EPHA4: variants seen among roughly 807,000 people sequenced by gnomAD.
EPHA4 encodes the protein EPH receptor A4, also known as ephrin type-A receptor 4.
A neutral mutation model predicts 108.3 loss-of-function variants in EPHA4; 19 were observed. The observed-to-expected ratio is 0.18, with a 90% CI of 0.12 to 0.26. The LOEUF (loss-of-function observed/expected upper bound fraction) is 0.26. Among genes scored for constraint, EPHA4 ranks in the 10% least tolerant of loss-of-function variants. EPHA4 has a pLI of 1.00. For missense variants in EPHA4, 917 were observed against 1,254.0 expected, an observed-to-expected ratio of 0.73 and a Z score of 4.06; for synonymous variants, 449 against 455.5, an observed-to-expected ratio of 0.99 and a Z score of 0.18.
At chr2:221,542,292 A>G (rs946201173) in intron 3 of EPHA4, among the ~76,000 whole-genome samples, 4 of 152,248 alleles carry the variant, frequency 2.6e-5, no homozygotes, top group South Asian at 2.1e-4. Flanking sequence ...TCCATGGTGT[A>G]TAAGTTACAG....
At chr2:221,453,832 T>C (rs1329525612) in intron 8 of EPHA4, among the ~76,000 whole-genome samples, 1 of 152,180 alleles carries the variant, frequency 6.6e-6, no homozygotes, top group Non-Finnish European at 1.5e-5. Context: ...TGAACATAAT[T>C]GGTCCCTGTA....
intron 4 of EPHA4, among the ~76,000 whole-genome samples, chr2:221,491,911 G>C (rs1692156633): frequency 1.3e-5 from 2 of 152,070 alleles, no homozygotes; most frequent in Non-Finnish European, 1.5e-5. Flanking sequence ...AGCACCCTGG[G>C]AGGCTGAGGT....
chr2:221,499,737 TATATATATATATATATATA>T (rs1263637813), intron 4 of EPHA4, among the ~76,000 whole-genome samples: 38 of 52,222 alleles, frequency 7.3e-4, no homozygotes, highest in African/African-American at 3.8e-3. Flanking sequence ...TATATATATA[TATATATATATATATATATA>T]TTTTTTTTTT....
intron 3 of EPHA4, among the ~76,000 whole-genome samples, chr2:221,557,789 A>G (rs1694347465): frequency 6.6e-6 from 1 of 152,244 alleles, no homozygotes; most frequent in African/African-American, 2.4e-5. Context: ...TCCATGAAAC[A>G]TAACTCCACC....
At chr2:221,460,516 C>T (rs1005410146) in intron 5 of EPHA4, among the ~76,000 whole-genome samples, 1 of 152,150 alleles carries the variant, frequency 6.6e-6, no homozygotes, top group Non-Finnish European at 1.5e-5. Flanking sequence ...CAATCCATGA[C>T]CAAGTGAGGT....
At position 221,564,278 on chromosome 2, in the gene EPHA4, T is replaced by A; in HGVS notation, c.276A>T (p.Glu92Asp). The change falls in exon 3 of 18, where the codon GAA becomes GAT. Residue 92 changes from glutamate to aspartate, a missense_variant. Around this residue, in one of 3 missense-constraint regions of EPHA4, gnomAD observed 758 missense variants for 1,076.7 expected, o/e 0.70. Coordinates refer to ENST00000281821, the MANE Select transcript of EPHA4 (RefSeq NM_004438.5). The part of the protein sequence containing the change: ...NWLRTDWITR[E>D]GAQRVYIEIK... ...TCTCAATATACACCCTCTGAGCCCC[T>A]TCTCGGGTGATCCAATCAGTTCGTA... The A allele has an allele frequency of 1.2e-6, 2 of 1,614,154 alleles. No homozygotes were observed. The highest frequency in any genetic ancestry group is 1.7e-6 in the Non-Finnish European group (2 of 1,180,024).
intron 3 of EPHA4, among the ~76,000 whole-genome samples, chr2:221,555,759 A>C (rs139094087): frequency 6.6e-6 from 1 of 152,328 alleles, no homozygotes; most frequent in African/African-American, 2.4e-5. Flanking sequence ...TCACGAGCAC[A>C]GTAAAACTAA....
chr2:221,528,483 T>A (rs1026558413), intron 3 of EPHA4, among the ~76,000 whole-genome samples: 1 of 152,226 alleles, frequency 6.6e-6, no homozygotes, highest in Non-Finnish European at 1.5e-5. Flanking sequence ...CTTAATCTTA[T>A]TCCCTTTGAA....
At chr2:221,491,458 G>T (rs1692141781) in intron 4 of EPHA4, among the ~76,000 whole-genome samples, 1 of 152,176 alleles carries the variant, frequency 6.6e-6, no homozygotes, top group Admixed American at 6.5e-5. Context: ...CATGCGCAAA[G>T]CTGTGATCAG....
intron 11 of EPHA4, among the ~76,000 whole-genome samples, chr2:221,441,782 A>T (rs1043537500): frequency 6.6e-6 from 1 of 151,974 alleles, no homozygotes; most frequent in African/African-American, 2.4e-5. Context: ...CAAGCAAAAC[A>T]AGTCACACCC....
At chr2:221,430,817 A>G (rs1690052180) in intron 14 of EPHA4, among the ~76,000 whole-genome samples, 1 of 152,228 alleles carries the variant, frequency 6.6e-6, no homozygotes, top group African/African-American at 2.4e-5. Flanking sequence ...AACAATTAAA[A>G]AAATTCCTTC....
intron 2 of EPHA4, among the ~76,000 whole-genome samples, chr2:221,567,226 A>T (rs1694695882): frequency 6.6e-6 from 1 of 152,202 alleles, no homozygotes; most frequent in Admixed American, 6.5e-5. Flanking sequence ...ATTTATTAAT[A>T]CAAGTACTGA....
intron 3 of EPHA4, among the ~76,000 whole-genome samples, chr2:221,523,412 C>T (rs1292557809): frequency 2.0e-5 from 3 of 151,616 alleles, no homozygotes; most frequent in African/African-American, 7.3e-5. Flanking sequence ...CTCAGCCTCC[C>T]GAGTAGCTGG....
At chr2:221,538,437 G>A (rs1480379397) in intron 3 of EPHA4, among the ~76,000 whole-genome samples, 1 of 152,230 alleles carries the variant, frequency 6.6e-6, no homozygotes, top group Non-Finnish European at 1.5e-5. Flanking sequence ...GCAGCCTAGA[G>A]CTATTAGATT....
intron 3 of EPHA4, among the ~76,000 whole-genome samples, chr2:221,554,136 G>A (rs531992732): frequency 2.0e-5 from 3 of 152,154 alleles, no homozygotes; most frequent in Admixed American, 6.5e-5. Context: ...TTTCTCATCC[G>A]CTAATGACAC....
At chr2:221,469,678 T>C (rs920820623) in intron 5 of EPHA4, among the ~76,000 whole-genome samples, 4 of 152,188 alleles carry the variant, frequency 2.6e-5, no homozygotes, top group African/African-American at 9.7e-5. Context: ...TCACTTATGA[T>C]ATGAGCACCT....
intron 3 of EPHA4, among the ~76,000 whole-genome samples, chr2:221,554,108 C>G (rs974301393): frequency 6.6e-6 from 1 of 152,178 alleles, no homozygotes; most frequent in Admixed American, 6.5e-5. Flanking sequence ...GAAACAAGAG[C>G]CAGATAAGCA....
chr2:221,431,330 G>T (rs1195892281), intron 14 of EPHA4, among the ~76,000 whole-genome samples: 6 of 152,226 alleles, frequency 3.9e-5, no homozygotes, highest in African/African-American at 4.8e-5. Context: ...TCACCCTGTG[G>T]TGGGTCTATT....
At chr2:221,484,507 AT>A (rs1280600510) in intron 4 of EPHA4, among the ~76,000 whole-genome samples, 1 of 152,236 alleles carries the variant, frequency 6.6e-6, no homozygotes, top group Non-Finnish European at 1.5e-5. Context: ...TAAAATTTGT[AT>A]TAAAGGGAAG....
Sources: allele counts gnomAD v4.1 joint callset (sites outside exome capture counted in the v4.1 genomes callset), GRCh38; gene constraint gnomAD v4.1.1; regional missense constraint gnomAD v4.1.1; transcripts MANE v1.5; gene names NCBI Gene and HGNC (gene_info 2026-07-23, HGNC 2026-07-21).